Variants in PCSK6 observed in about 807,000 individuals in gnomAD.
PCSK6 encodes proprotein convertase subtilisin/kexin type 6.
A neutral mutation model predicts 123.3 loss-of-function variants in PCSK6; 85 were observed. The observed-to-expected ratio is 0.69, with a 90% confidence interval of 0.58 to 0.83. The LOEUF is 0.83. Ranked by LOEUF, PCSK6 falls within the 40% of genes least tolerant of loss-of-function variation. PCSK6 has a pLI of 0.00. For missense variants in PCSK6, 1,191 were observed against 1,282.3 expected (o/e 0.93, Z 1.09); for synonymous variants, 508 against 516.0 (o/e 0.98, Z 0.21).
intron 2 of PCSK6, among the ~76,000 whole-genome samples, chr15:101,437,648 C>T (rs188828230): frequency 6.6e-6 from 1 of 152,272 alleles, no homozygotes; most frequent in Admixed American, 6.5e-5. Context: ...AGAGGGAAGT[C>T]CTCGCTCTGC....
intron 6 of PCSK6, among the ~76,000 whole-genome samples, chr15:101,405,530 GC>G (rs1033555285): frequency 6.6e-6 from 1 of 152,180 alleles, no homozygotes; most frequent in African/African-American, 2.4e-5. Flanking sequence ...AATTGCAGCT[GC>G]CCACAGAAGC....
At position 101,393,265 on chromosome 15, in the gene PCSK6, C is replaced by G; in HGVS notation, c.1156G>C (p.Ala386Pro). The G allele has an allele frequency of 6.2e-7, 1 of 1,613,660 alleles. No individual in the cohort carries two copies. Among genetic ancestry groups the G allele is most frequent in the African/African-American group, 1.3e-5 (1 of 74,938 alleles). Residue 386 changes from alanine (A) to proline (P), a missense_variant, in exon 8 of 22, where the codon GCC becomes CCC. By Grantham distance (27) the Ala-to-Pro change is conservative (BLOSUM62 -1). Around this residue, in one of 3 missense-constraint regions of PCSK6, gnomAD observed 357 missense variants for 484.5 expected, o/e 0.74. Coordinates refer to ENST00000611716, the MANE Select transcript of PCSK6 (RefSeq NM_002570.5). The stretch of plus-strand genomic sequence containing the variant: ...CTGTAGGTGGTGGCCAGGGTGGAGG[C>G]ACACTCTTCCAGGTACCAGGGCTTG... ...GYKPWYLEEC[A>P]STLATTYSSG...
At chr15:101,403,280 G>C (rs1206539542) in intron 6 of PCSK6, among the ~76,000 whole-genome samples, 1 of 110,136 alleles carries the variant, frequency 9.1e-6, no homozygotes, top group East Asian at 3.3e-4. Context: ...GTGGGGTGGG[G>C]GGAGGGGGGA....
rs1363531703 is a variant in PCSK6 at position 101,305,399 on chromosome 15, C to T, written c.2813-44G>A. Reference sequence around the variant, plus strand: ...AAAGGCAAAAGAGGGAAAGGTCAGTCTTCGGTGCCTGTGAAGATTGTTTCA... The same window carrying T: ...AAAGGCAAAAGAGGGAAAGGTCAGTTTTCGGTGCCTGTGAAGATTGTTTCA... On this transcript the variant is annotated intron_variant, in intron 21 of 21. Transcript: ENST00000611716. The surrounding 1 kb of genome is among the most constrained non-coding windows in gnomAD (Gnocchi z 4.8). 2 of 1,517,052 alleles carry T rather than the reference C, an allele frequency of 1.3e-6. No individual in the cohort carries two copies. Among genetic ancestry groups the T allele is most frequent in the African/African-American group, 2.7e-5 (2 of 73,064 alleles). 94.0% of individuals were successfully genotyped at this position (1,517,052 alleles called of 1,614,324 possible).
intron 6 of PCSK6, among the ~76,000 whole-genome samples, chr15:101,409,859 AAGCC>A (rs918913392): frequency 6.6e-6 from 1 of 152,236 alleles, no homozygotes; most frequent in African/African-American, 2.4e-5. Flanking sequence ...ATGGGGCACG[AAGCC>A]AGGAGGACCT....
Position 101,322,448 on chromosome 15 carries a change from C to T in PCSK6, c.2465+72G>A, listed in dbSNP as rs147148623. ...TCAGCTTTTAGGAGAAATGCACCAA[C>T]GTGGTAAATCCATAACACACTCCAA... On this transcript the variant is annotated intron_variant, in intron 18 of 21. Coordinates refer to ENST00000611716, the MANE Select transcript of PCSK6 (RefSeq NM_002570.5). The T allele has an allele frequency of 4.9e-4, 508 of 1,037,004 alleles. 2 individuals carry two copies. The African/African-American group carries it at 6.9e-3, about 14-fold the overall frequency. 64.2% of individuals were successfully genotyped at this position (1,037,004 alleles called of 1,614,324 possible).
intron 6 of PCSK6, among the ~76,000 whole-genome samples, chr15:101,426,877 T>C (rs974522064): frequency 2.0e-5 from 3 of 151,424 alleles, no homozygotes; most frequent in African/African-American, 7.3e-5. Context: ...AGGATGGCAG[T>C]GCCCCCCCGG....
At chr15:101,355,890 G>A (rs931315293) in intron 13 of PCSK6, among the ~76,000 whole-genome samples, 2 of 152,170 alleles carry the variant, frequency 1.3e-5, no homozygotes, top group Admixed American at 6.5e-5. Flanking sequence ...GAGGCAAGAA[G>A]GGCGGGCTGG....
At chr15:101,381,202 A>G (rs1484212464) in intron 11 of PCSK6, among the ~76,000 whole-genome samples, 7 of 152,070 alleles carry the variant, frequency 4.6e-5, no homozygotes, top group Admixed American at 4.6e-4. Context: ...TCTCTACTAA[A>G]AATACAAAAA....
In PCSK6 at chr15:101,336,368, G is replaced by A. The variant is rs183974658; in HGVS notation, c.1859-4337C>T. ...CCATTAAGGGAAACCTACTGCACACGTCATTTCAGCTGTGTGCATGTGTAC... is the reference window on the plus strand; with the variant it reads ...CCATTAAGGGAAACCTACTGCACACATCATTTCAGCTGTGTGCATGTGTAC... On this transcript the variant is annotated intron_variant, in intron 13 of 21. Coordinates refer to ENST00000611716, the MANE Select transcript of PCSK6 (RefSeq NM_002570.5). Among the ~76,000 whole-genome samples, 924 of 152,274 alleles carry A rather than the reference G, an allele frequency of 6.1e-3. 8 individuals carry two copies. The highest frequency in any genetic ancestry group is 0.012 in the South Asian group (56 of 4,824).
intron 18 of PCSK6, among the ~76,000 whole-genome samples, chr15:101,320,753 T>C (rs1217075537): frequency 6.6e-6 from 1 of 152,222 alleles, no homozygotes; most frequent in African/African-American, 2.4e-5. Context: ...GCTCTCTTGC[T>C]GCTTTAACAT....
chr15:101,323,777 C>G (rs1052913325), intron 17 of PCSK6, among the ~76,000 whole-genome samples: 26 of 150,420 alleles, frequency 1.7e-4, no homozygotes, highest in African/African-American at 6.1e-4. Context: ...TGGCTTTATA[C>G]GTCTTTTAAG....
rs756216040 is a variant in PCSK6 at position 101,398,598 on chromosome 15, G to A, written c.824-22C>T. 18 of 1,596,204 alleles carry A rather than the reference G, an allele frequency of 1.1e-5. No individual in the cohort carries two copies. The highest frequency in any genetic ancestry group is 8.8e-5 in the South Asian group (8 of 90,612). ...ATGCCTGAAAGCACAGAGGAGGCTC[G>A]GTGTCGGCGCCCAGGCTCCGGGCAC... is the stretch of plus-strand genomic sequence containing the variant. On this transcript the variant is annotated intron_variant, in intron 6 of 21. Coordinates refer to ENST00000611716, the MANE Select transcript of PCSK6 (RefSeq NM_002570.5). The surrounding 1 kb of genome is among the most constrained non-coding windows in gnomAD (Gnocchi z 4.6).
intron 18 of PCSK6, among the ~76,000 whole-genome samples, chr15:101,319,826 T>C (rs1395320323): frequency 6.6e-6 from 1 of 152,228 alleles, no homozygotes; most frequent in Admixed American, 6.5e-5. Flanking sequence ...ACCCTCCGCA[T>C]CTCTTCATCT....
intron 19 of PCSK6, among the ~76,000 whole-genome samples, 195 bp downstream of exon 19, chr15:101,318,124 T>C (rs1483409037): frequency 6.6e-6 from 1 of 152,264 alleles, no homozygotes; most frequent in East Asian, 1.9e-4. Context: ...TGAGACTCTG[T>C]AACCATTAAA....
intron 6 of PCSK6, among the ~76,000 whole-genome samples, chr15:101,409,342 T>G (rs1041487303): frequency 1.3e-5 from 2 of 151,450 alleles, no homozygotes; most frequent in Admixed American, 6.6e-5. Context: ...TCCCAGCACT[T>G]TGGGCGGCCG....
At chr15:101,318,865 C>G (rs2040053639) in intron 18 of PCSK6, among the ~76,000 whole-genome samples, 1 of 152,256 alleles carries the variant, frequency 6.6e-6, no homozygotes, top group Non-Finnish European at 1.5e-5. Flanking sequence ...CCAACCCGCT[C>G]TTGCCTCTCT....
intron 18 of PCSK6, among the ~76,000 whole-genome samples, chr15:101,319,998 A>T (rs932756424): frequency 2.0e-4 from 30 of 152,170 alleles, no homozygotes; most frequent in African/African-American, 6.5e-4. Flanking sequence ...CTCGTGATTG[A>T]CATCAAAGTG....
intron 1 of PCSK6, among the ~76,000 whole-genome samples, chr15:101,456,695 C>T (rs1161644543): frequency 7.9e-5 from 12 of 152,218 alleles, no homozygotes; most frequent in African/African-American, 2.7e-4. Flanking sequence ...CAGGGACCCA[C>T]ATTCTTAGAA....
Sources: gnomAD v4.1 joint callset for allele counts (sites outside exome capture counted in the v4.1 genomes callset) on GRCh38, gnomAD v4.1.1 for gene constraint, gnomAD v4.1.1 regional missense constraint, Gnocchi (gnomAD v3.1) non-coding constraint, MANE v1.5 for transcripts, NCBI Gene and HGNC (gene_info 2026-07-23, HGNC 2026-07-21) for gene names.